The following CTIF variants were observed in gnomAD, a reference collection of about 807,000 sequenced individuals.
The protein encoded by CTIF is CBP80/20-dependent translation initiation factor.
In CTIF, 21 loss-of-function variants were observed where a neutral mutation model predicts 66.0. The ratio of observed to expected loss-of-function variants is 0.32; its 90% CI spans 0.23 to 0.46. The LOEUF is 0.46. CTIF is among the 20% of genes least tolerant of loss of function. The probability of loss-of-function intolerance (pLI) is 1.00; values close to 1 mark genes in which losing one functional copy is unlikely to be tolerated. For synonymous variants in CTIF, 345 were observed against 326.4 expected (o/e 1.06, Z -0.62); for missense variants, 739 against 812.7 (o/e 0.91, Z 1.10).
At chr18:48,772,509 C>CTCCCCTACAGCAATAAT in intron 9 of CTIF, among the ~76,000 whole-genome samples, 1 of 151,978 alleles carries the variant, frequency 6.6e-6, no homozygotes, top group East Asian at 1.9e-4. Context: ...ACAGCAATAA[C>CTCCCCTACAGCAATAAT]TCCCCTACAG....
intron 10 of CTIF, among the ~76,000 whole-genome samples, chr18:48,851,139 G>C (rs1428153203): frequency 1.3e-5 from 2 of 152,236 alleles, no homozygotes; most frequent in Admixed American, 1.3e-4. Flanking sequence ...TAGGGCCCTG[G>C]GCAGTCTGTC....
chr18:48,698,141 A>AAAG (rs2092033766), intron 6 of CTIF, among the ~76,000 whole-genome samples: 1 of 113,706 alleles, frequency 8.8e-6, no homozygotes, highest in African/African-American at 3.8e-5. Flanking sequence ...AAAAAAAAAA[A>AAAG]GCAAACTCCC....
chr18:48,806,293 T>G (rs2068145678), intron 9 of CTIF, among the ~76,000 whole-genome samples: 1 of 152,238 alleles, frequency 6.6e-6, no homozygotes, highest in Non-Finnish European at 1.5e-5. Flanking sequence ...TGCCTGGGAT[T>G]GACTCCTGGC....
chr18:48,578,238 G>T (rs1256268982), intron 1 of CTIF, among the ~76,000 whole-genome samples: 1 of 152,046 alleles, frequency 6.6e-6, no homozygotes, highest in Non-Finnish European at 1.5e-5. Context: ...ATGGAGCTTT[G>T]GGGGTTGTTT....
At chr18:48,711,733 T>G (rs1171172752) in intron 7 of CTIF, 38 bp downstream of exon 7, 2 of 1,563,244 alleles carry the variant, frequency 1.3e-6, no homozygotes, top group Non-Finnish European at 1.8e-6. Flanking sequence ...GGTTTTCCTT[T>G]CCTGCTTCTG....
chr18:48,774,632 T>G (rs1910495267), intron 9 of CTIF, among the ~76,000 whole-genome samples: 1 of 152,104 alleles, frequency 6.6e-6, no homozygotes, highest in Non-Finnish European at 1.5e-5. Flanking sequence ...CAGCACCCCC[T>G]TGACAGTGCC....
chr18:48,551,657 G>T (rs1328107845), intron 1 of CTIF, among the ~76,000 whole-genome samples: 1 of 152,146 alleles, frequency 6.6e-6, no homozygotes, highest in African/African-American at 2.4e-5. Context: ...GTCACACAGG[G>T]AAGCCAGGCT....
intron 7 of CTIF, among the ~76,000 whole-genome samples, chr18:48,732,929 A>G (rs2092468794): frequency 6.6e-6 from 1 of 152,194 alleles, no homozygotes; most frequent in South Asian, 2.1e-4. Flanking sequence ...CCTTGCAGAT[A>G]TTTGATCTAC....
chr18:48,849,882 C>G (rs750860111), intron 10 of CTIF, among the ~76,000 whole-genome samples: 2 of 152,186 alleles, frequency 1.3e-5, no homozygotes, highest in Non-Finnish European at 2.9e-5. Context: ...CCGTGCCCGG[C>G]CCATTTTAAC....
chr18:48,584,926 C>T (rs761297619), intron 1 of CTIF, among the ~76,000 whole-genome samples: 2 of 152,224 alleles, frequency 1.3e-5, no homozygotes, highest in Non-Finnish European at 1.5e-5. Flanking sequence ...GTTTATACCC[C>T]TATAATCATT....
In CTIF at chr18:48,857,687, C is replaced by T. The variant is rs1172247761; in HGVS notation, c.1581+46C>T. 1.9e-6 allele frequency: 3 copies of T among 1,564,740 alleles called. No homozygotes were observed. The African/African-American group carries it at 4.1e-5, about 21-fold the overall frequency. On this transcript the variant is annotated intron_variant, in intron 11 of 11. Transcript: ENST00000256413. ...ATCCCCAACCTCAAAGCCGGTGCAT[C>T]TCTCATGCCTTAACAGTTCTAGGGG...
chr18:48,801,633 C>A (rs2068050992), intron 9 of CTIF, among the ~76,000 whole-genome samples: 1 of 152,238 alleles, frequency 6.6e-6, no homozygotes. Flanking sequence ...TTCTCAAATT[C>A]TATAAATAGC....
At chr18:48,632,549 C>T (rs778490981) in intron 2 of CTIF, among the ~76,000 whole-genome samples, 1 of 152,202 alleles carries the variant, frequency 6.6e-6, no homozygotes, top group Non-Finnish European at 1.5e-5. Context: ...ACCCTCCTTC[C>T]CCACTTCCCC....
intron 1 of CTIF, among the ~76,000 whole-genome samples, chr18:48,594,917 A>T (rs1307881099): frequency 6.6e-6 from 1 of 152,156 alleles, no homozygotes; most frequent in Non-Finnish European, 1.5e-5. Flanking sequence ...CCTTGTCTTG[A>T]TGAACTGCAG....
intron 1 of CTIF, among the ~76,000 whole-genome samples, chr18:48,590,608 C>A (rs1315768326): frequency 6.6e-6 from 1 of 152,240 alleles, no homozygotes; most frequent in African/African-American, 2.4e-5. Flanking sequence ...CTTTGCCCTT[C>A]CCTGGAACCA....
chr18:48,783,747 T>C (rs1340002180), intron 9 of CTIF, among the ~76,000 whole-genome samples: 2 of 152,154 alleles, frequency 1.3e-5, no homozygotes, highest in Non-Finnish European at 2.9e-5. Context: ...AGTGTTTTGC[T>C]GTCTGCCGCA....
At chr18:48,624,035 A>C (rs2090547826) in intron 2 of CTIF, among the ~76,000 whole-genome samples, 1 of 151,152 alleles carries the variant, frequency 6.6e-6, no homozygotes, top group South Asian at 2.1e-4. Context: ...CATGTTTAAC[A>C]TCATACCTCT....
At chr18:48,818,241 C>A (rs904677114) in intron 10 of CTIF, among the ~76,000 whole-genome samples, 3 of 152,114 alleles carry the variant, frequency 2.0e-5, no homozygotes, top group African/African-American at 7.2e-5. Flanking sequence ...GCTTAGGCTG[C>A]GCAGCAAGAG....
At chr18:48,670,485 A>ACCC in intron 5 of CTIF, 184 bp from the exon 6 acceptor site, 2 of 518,460 alleles carry the variant, frequency 3.9e-6, no homozygotes, top group Non-Finnish European at 7.0e-6. Flanking sequence ...TTACGGGAGG[A>ACCC]CCCCCCCCCC....
Sources: gnomAD v4.1 joint callset for allele counts (sites outside exome capture counted in the v4.1 genomes callset) on GRCh38, gnomAD v4.1.1 for gene constraint, MANE v1.5 for transcripts, NCBI Gene and HGNC (gene_info 2026-07-23, HGNC 2026-07-21) for gene names.